SERINC5: variants seen among roughly 807,000 people sequenced by gnomAD.
SERINC5 encodes the protein serine incorporator 5, also known as chromosome 5 open reading frame 12.
Under a neutral mutation model 63.1 loss-of-function variants are expected in SERINC5, and 41 were observed. The observed-to-expected ratio is 0.65, with a 90% CI of 0.51 to 0.84. The LOEUF is 0.84. Among genes scored for constraint, SERINC5 ranks in the 40% least tolerant of loss-of-function variants. SERINC5 has a pLI of 0.00. For synonymous variants in SERINC5, 222 were observed against 215.2 expected (o/e 1.03, Z -0.28); for missense variants, 523 against 573.0 (o/e 0.91, Z 0.89).
At chr5:80,161,467 T>C (rs968848404) in intron 7 of SERINC5, among the ~76,000 whole-genome samples, 5 of 152,224 alleles carry the variant, frequency 3.3e-5, no homozygotes, top group Non-Finnish European at 7.4e-5. Context: ...AGCATTTTTT[T>C]CAAATGCCTG....
At chr5:80,237,979 C>A (rs1042833179) in intron 1 of SERINC5, among the ~76,000 whole-genome samples, 2 of 151,516 alleles carry the variant, frequency 1.3e-5, no homozygotes, top group African/African-American at 2.4e-5. Context: ...TGGCGCGCGC[C>A]TGTAGTCCCA....
At chr5:80,208,277 C>A (rs1440967509) in intron 1 of SERINC5, among the ~76,000 whole-genome samples, 1 of 150,860 alleles carries the variant, frequency 6.6e-6, no homozygotes, top group South Asian at 2.1e-4. Flanking sequence ...GTGGGAGGAG[C>A]TGATAATGGG....
At chr5:80,175,355 C>T (rs924446666) in intron 4 of SERINC5, among the ~76,000 whole-genome samples, 2 of 152,150 alleles carry the variant, frequency 1.3e-5, no homozygotes, top group Admixed American at 6.5e-5. Context: ...AATAGATGCC[C>T]TAATTCATAA....
chr5:80,244,984 G>T (rs1752108450), intron 1 of SERINC5, among the ~76,000 whole-genome samples: 1 of 152,130 alleles, frequency 6.6e-6, no homozygotes, highest in Non-Finnish European at 1.5e-5. Context: ...CACAGGCACT[G>T]ATCTTCGATC....
intron 11 of SERINC5, chr5:80,116,145 T>C (rs1377480149): frequency 2.7e-5 from 10 of 368,650 alleles, no homozygotes; most frequent in Admixed American, 3.7e-5. Context: ...CACCTTGCCG[T>C]AGGCCTCTCT....
chr5:80,115,505 A>G (rs1485382828), intron 11 of SERINC5, among the ~76,000 whole-genome samples: 1 of 152,012 alleles, frequency 6.6e-6, no homozygotes, highest in African/African-American at 2.4e-5. Context: ...ACATATAGTA[A>G]TTATTTGCTA....
rs1033900418 is a variant in SERINC5, at chr5:80,142,797, A to G, written c.*866T>C. 1 of 985,352 alleles carries G rather than the reference A, an allele frequency of 1.0e-6. No homozygotes were observed. The highest frequency in any genetic ancestry group is 1.7e-5 in the African/African-American group (1 of 57,252). 61.0% of individuals were successfully genotyped at this position (985,352 alleles called of 1,614,324 possible). A position where few individuals can be genotyped will look rare whatever the true frequency, so the allele number is the denominator to read the frequency against. Reference sequence around the variant, plus strand: ...CAGTTAAGGTCCTAAAAGTATTATCATTATCAACAGCACAAACAAGTAAGA... The same window carrying G: ...CAGTTAAGGTCCTAAAAGTATTATCGTTATCAACAGCACAAACAAGTAAGA... On this transcript the variant is annotated 3_prime_UTR_variant, in exon 12 of 12. Coordinates refer to ENST00000507668, the MANE Select transcript of SERINC5 (RefSeq NM_001174072.3).
At chr5:80,203,930 C>T (rs1750018321) in intron 1 of SERINC5, among the ~76,000 whole-genome samples, 1 of 152,120 alleles carries the variant, frequency 6.6e-6, no homozygotes, top group Non-Finnish European at 1.5e-5. Flanking sequence ...GAGCTAATTA[C>T]CAATAGCCCA....
chr5:80,175,114 C>A, intron 4 of SERINC5, 67 bp from the exon 5 acceptor site: 1 of 1,084,570 alleles, frequency 9.2e-7, no homozygotes, highest in Non-Finnish European at 1.3e-6. Flanking sequence ...AGAGAATAAC[C>A]ACAGCTAATT....
intron 1 of SERINC5, among the ~76,000 whole-genome samples, chr5:80,231,534 G>A (rs1336496172): frequency 1.3e-5 from 2 of 151,880 alleles, no homozygotes; most frequent in African/African-American, 4.8e-5. Context: ...CTGGTCACCA[G>A]TTCCCAAAAC....
chr5:80,161,631 T>C (rs1580088005), intron 7 of SERINC5, among the ~76,000 whole-genome samples: 2 of 152,338 alleles, frequency 1.3e-5, no homozygotes, highest in East Asian at 1.9e-4. Context: ...AGTTTGCAAA[T>C]ATTTTCTCTG....
At position 80,140,366 on chromosome 5, in the gene SERINC5, A is replaced by AAATT. The variant is rs1440759797; in HGVS notation, c.*3293_*3296dup. 1.0e-6 allele frequency: 1 copy of AAATT among 982,524 alleles called. No individual in the cohort carries two copies. Among genetic ancestry groups the AAATT allele is most frequent in the Non-Finnish European group, 1.2e-6 (1 of 828,542 alleles). The allele number at this position is 982,524 out of a possible 1,614,324, so 60.9% of individuals were successfully genotyped here. A position where few individuals can be genotyped will look rare whatever the true frequency, so the allele number is the denominator to read the frequency against. On this transcript the variant is annotated 3_prime_UTR_variant, in exon 12 of 12. Transcript: ENST00000507668. ...GTGACAATTTTGACATGGGGACAGG[A>AAATT]AATTAACATTACACTGAGGTTATTC...
chr5:80,197,845 T>G (rs1248111084), intron 2 of SERINC5, among the ~76,000 whole-genome samples: 1 of 152,110 alleles, frequency 6.6e-6, no homozygotes, highest in Non-Finnish European at 1.5e-5. Context: ...CATTCTAAAA[T>G]GGACTTTCTT....
At chr5:80,177,613 T>C (rs993569400) in intron 3 of SERINC5, among the ~76,000 whole-genome samples, 24 of 152,168 alleles carry the variant, frequency 1.6e-4, no homozygotes, top group Admixed American at 1.4e-3. Context: ...CACCATTTCA[T>C]TGCAGGGGTG....
At chr5:80,124,481 A>G (rs1291146050) in intron 11 of SERINC5, among the ~76,000 whole-genome samples, 1 of 152,110 alleles carries the variant, frequency 6.6e-6, no homozygotes, top group Non-Finnish European at 1.5e-5. Context: ...GGTGGTCTTC[A>G]TTTATTTCCA....
At chr5:80,238,327 C>T (rs1191058906) in intron 1 of SERINC5, among the ~76,000 whole-genome samples, 2 of 152,056 alleles carry the variant, frequency 1.3e-5, no homozygotes, top group African/African-American at 2.4e-5. Flanking sequence ...ACTACACTAA[C>T]GGTGAGATAG....
intron 1 of SERINC5, 200 bp from the exon 2 acceptor site, chr5:80,203,253 T>G (rs375976554): frequency 1.2e-5 from 4 of 342,466 alleles, no homozygotes; most frequent in Non-Finnish European, 1.6e-5. Flanking sequence ...TAAATATATA[T>G]ACACATATAT....
intron 11 of SERINC5, among the ~76,000 whole-genome samples, chr5:80,144,893 G>C (rs1205465748): frequency 6.6e-6 from 1 of 151,752 alleles, no homozygotes; most frequent in Non-Finnish European, 1.5e-5. Context: ...GCTTAACTTA[G>C]TGGTCAAAAA....
At chr5:80,193,888 A>T (rs978508702) in intron 2 of SERINC5, among the ~76,000 whole-genome samples, 1 of 152,180 alleles carries the variant, frequency 6.6e-6, no homozygotes, top group African/African-American at 2.4e-5. Flanking sequence ...GTTTGGAAAC[A>T]TATGTCTCCA....
Sources: allele counts gnomAD v4.1 joint callset (sites outside exome capture counted in the v4.1 genomes callset), GRCh38; gene constraint gnomAD v4.1.1; transcripts MANE v1.5; gene names NCBI Gene and HGNC (gene_info 2026-07-23, HGNC 2026-07-21).